Variants in EFNA5 observed in about 807,000 individuals in gnomAD.
The protein encoded by EFNA5 is ephrin-A5.
Under a neutral mutation model 22.9 loss-of-function variants are expected in EFNA5, and 5 were observed. The ratio of observed to expected loss-of-function variants is 0.22; its 90% CI spans 0.11 to 0.46. EFNA5 has a LOEUF of 0.46. Among genes scored for constraint, EFNA5 ranks in the 20% least tolerant of loss-of-function variants. The pLI, the probability that EFNA5 is intolerant of heterozygous loss-of-function variation, is 0.99. For synonymous variants in EFNA5, 113 were observed against 112.2 expected, an observed-to-expected ratio of 1.01 and a Z score of -0.04; for missense variants, 237 against 293.3, an observed-to-expected ratio of 0.81 and a Z score of 1.40.
At chr5:107,442,111 C>T (rs1014362363) in intron 1 of EFNA5, among the ~76,000 whole-genome samples, 6 of 152,102 alleles carry the variant, frequency 3.9e-5, no homozygotes, top group Non-Finnish European at 5.9e-5. Context: ...CTGATGTTCA[C>T]TAGTCTTAAC....
intron 1 of EFNA5, among the ~76,000 whole-genome samples, chr5:107,509,960 G>C (rs923517029): frequency 6.6e-6 from 1 of 152,118 alleles, no homozygotes; most frequent in East Asian, 1.9e-4. Context: ...TACTGTCAAA[G>C]GCATTTGAAT....
chr5:107,533,712 A>G (rs929439591), intron 1 of EFNA5, among the ~76,000 whole-genome samples: 1 of 152,236 alleles, frequency 6.6e-6, no homozygotes, highest in Admixed American at 6.5e-5. Flanking sequence ...TGTAGTTCCC[A>G]TATACGGATT....
At chr5:107,496,297 T>C (rs1306846112) in intron 1 of EFNA5, among the ~76,000 whole-genome samples, 3 of 146,368 alleles carry the variant, frequency 2.0e-5, no homozygotes, top group African/African-American at 7.7e-5. Flanking sequence ...GATCATACCA[T>C]TGTATTCCAG....
chr5:107,426,915 CT>C (rs1223386580), intron 2 of EFNA5: 10 of 289,112 alleles, frequency 3.5e-5, no homozygotes, highest in Non-Finnish European at 3.9e-5. Flanking sequence ...TTTCAGGAGT[CT>C]TTTTTTCTTT....
chr5:107,563,013 G>A (rs1748582209), intron 1 of EFNA5, among the ~76,000 whole-genome samples: 1 of 152,176 alleles, frequency 6.6e-6, no homozygotes, highest in Non-Finnish European at 1.5e-5. Context: ...ATGAAAGTCA[G>A]TGGGGTACAA....
chr5:107,660,754 T>C (rs974333272), intron 1 of EFNA5, among the ~76,000 whole-genome samples: 1 of 152,162 alleles, frequency 6.6e-6, no homozygotes, highest in African/African-American at 2.4e-5. Flanking sequence ...GATCTATCAC[T>C]GAGGTCCCTT....
chr5:107,558,784 T>C (rs1020553207), intron 1 of EFNA5, among the ~76,000 whole-genome samples: 4 of 152,226 alleles, frequency 2.6e-5, no homozygotes, highest in African/African-American at 9.6e-5. Context: ...TCAGTTATCA[T>C]GTAACAATAA....
intron 1 of EFNA5, among the ~76,000 whole-genome samples, chr5:107,461,487 G>A (rs541739667): frequency 2.0e-5 from 3 of 151,904 alleles, no homozygotes; most frequent in Admixed American, 6.6e-5. Context: ...TAAATATAGA[G>A]GGGGGAAAAA....
At position 107,591,863 on chromosome 5, in the gene EFNA5, AAT is replaced by A. The variant is rs1253769985; in HGVS notation, c.125+78624_125+78625del. ...TATATAAAATATATATAATATAAAAAATATATATATAATATATAATATATATA... is the reference window on the plus strand; with the variant it reads ...TATATAAAATATATATAATATAAAAAATATATATAATATATAATATATATA... On this transcript the variant is annotated intron_variant, in intron 1 of 4. Coordinates refer to ENST00000333274, the MANE Select transcript of EFNA5 (RefSeq NM_001962.3). Among the ~76,000 whole-genome samples, 7 of 68,792 alleles carry A rather than the reference AAT, an allele frequency of 1.0e-4. 2 individuals carry two copies. Among genetic ancestry groups the A allele is most frequent in the African/African-American group, 3.6e-4 (5 of 13,884 alleles). 45.1% of individuals were successfully genotyped at this position (68,792 alleles called of 152,430 possible). A position where few individuals can be genotyped will look rare whatever the true frequency, so the allele number is the denominator to read the frequency against.
intron 1 of EFNA5, among the ~76,000 whole-genome samples, chr5:107,480,016 A>G (rs1342226267): frequency 6.6e-6 from 1 of 152,230 alleles, no homozygotes; most frequent in Non-Finnish European, 1.5e-5. Flanking sequence ...CTCAATTGAA[A>G]TCATACTGAT....
intron 1 of EFNA5, among the ~76,000 whole-genome samples, chr5:107,646,331 G>C (rs1393431287): frequency 6.6e-6 from 1 of 151,978 alleles, no homozygotes; most frequent in Admixed American, 6.6e-5. Flanking sequence ...TGGTGTACAT[G>C]TCGTACATCT....
At chr5:107,640,977 T>TAGAG (rs1554070889) in intron 1 of EFNA5, among the ~76,000 whole-genome samples, 1 of 97,834 alleles carries the variant, frequency 1.0e-5, no homozygotes, top group East Asian at 3.8e-4. Context: ...GGTAGGCAGG[T>TAGAG]AGATAGATAG....
At chr5:107,503,602 G>C (rs1055142007) in intron 1 of EFNA5, among the ~76,000 whole-genome samples, 3 of 152,282 alleles carry the variant, frequency 2.0e-5, no homozygotes, top group East Asian at 1.9e-4. Context: ...TACGTAGTAA[G>C]AACTGTGCCA....
At position 107,406,372 on chromosome 5, in the gene EFNA5, T is replaced by C. The variant is rs6596738; in HGVS notation, c.419-18601A>G. Among the ~76,000 whole-genome samples, 1,456 of 152,182 alleles carry C rather than the reference T, an allele frequency of 9.6e-3. 28 individuals are homozygous for C. Among genetic ancestry groups the C allele is most frequent in the African/African-American group, 0.033 (1,390 of 41,528 alleles). On this transcript the variant is annotated intron_variant, in intron 2 of 4. Coordinates refer to ENST00000333274, the MANE Select transcript of EFNA5 (RefSeq NM_001962.3). Reference sequence around the variant, plus strand: ...CCCTTTGTTCAACCTATTTGAGCCATGCAGGCCTTCTTGGTGCTTCTCCAG... The same window carrying C: ...CCCTTTGTTCAACCTATTTGAGCCACGCAGGCCTTCTTGGTGCTTCTCCAG...
intron 1 of EFNA5, among the ~76,000 whole-genome samples, chr5:107,492,100 G>T (rs1746821451): frequency 6.6e-6 from 1 of 152,122 alleles, no homozygotes; most frequent in Non-Finnish European, 1.5e-5. Context: ...CTCCCAAAGT[G>T]CTGGAATTAC....
chr5:107,603,467 G>A (rs764829084), intron 1 of EFNA5, among the ~76,000 whole-genome samples: 3 of 152,138 alleles, frequency 2.0e-5, no homozygotes, highest in East Asian at 3.8e-4. Flanking sequence ...CATACCTCAG[G>A]AGAACAGCGT....
intron 1 of EFNA5, among the ~76,000 whole-genome samples, chr5:107,463,988 A>G (rs1749906401): frequency 6.6e-6 from 1 of 152,290 alleles, no homozygotes; most frequent in Middle Eastern, 3.4e-3. Context: ...CAGCATGGGA[A>G]GTGGGTTAAA....
intron 1 of EFNA5, among the ~76,000 whole-genome samples, chr5:107,474,420 G>C (rs1750224316): frequency 6.6e-6 from 1 of 151,944 alleles, no homozygotes; most frequent in South Asian, 2.1e-4. Flanking sequence ...GCACTGAACA[G>C]CCACAATGGA....
At chr5:107,508,311 T>C (rs920697642) in intron 1 of EFNA5, among the ~76,000 whole-genome samples, 1 of 152,220 alleles carries the variant, frequency 6.6e-6, no homozygotes, top group African/African-American at 2.4e-5. Context: ...ACAGTTATTA[T>C]GTGAACACCG....
Sources: allele counts gnomAD v4.1 joint callset (sites outside exome capture counted in the v4.1 genomes callset), GRCh38; gene constraint gnomAD v4.1.1; transcripts MANE v1.5; gene names NCBI Gene and HGNC (gene_info 2026-07-23, HGNC 2026-07-21).